Variants in CSMD3 observed in about 807,000 individuals in gnomAD.
The protein encoded by CSMD3 is CUB and sushi domain-containing protein 3.
Under a neutral mutation model 435.2 loss-of-function variants are expected in CSMD3, and 177 were observed. The observed-to-expected ratio is 0.41, with a 90% confidence interval of 0.36 to 0.46. The LOEUF is 0.46. CSMD3 is among the 20% of genes least tolerant of loss of function. The pLI is 0.34. For synonymous variants in CSMD3, 1,656 were observed against 1,520.5 expected (o/e 1.09, Z -2.07); for missense variants, 4,265 against 4,504.6 (o/e 0.95, Z 1.52).
chr8:112,970,942 C>T (rs2084632669), intron 7 of CSMD3, among the ~76,000 whole-genome samples: 1 of 151,820 alleles, frequency 6.6e-6, no homozygotes. Flanking sequence ...AGGATGGTCT[C>T]AATCTACTGA....
At chr8:112,678,043 C>T (rs1225599393) in intron 16 of CSMD3, among the ~76,000 whole-genome samples, 1 of 152,060 alleles carries the variant, frequency 6.6e-6, no homozygotes, top group Admixed American at 6.6e-5. Flanking sequence ...ACATATTTAT[C>T]TATAATTATG....
chr8:112,733,976 A>G (rs1947754728), intron 13 of CSMD3, among the ~76,000 whole-genome samples: 2 of 151,926 alleles, frequency 1.3e-5, no homozygotes, highest in Non-Finnish European at 2.9e-5. Flanking sequence ...AATCATTATT[A>G]TCCTCCAAGG....
At chr8:112,527,070 A>G (rs1342326480) in intron 27 of CSMD3, among the ~76,000 whole-genome samples, 1 of 151,990 alleles carries the variant, frequency 6.6e-6, no homozygotes, top group Non-Finnish European at 1.5e-5. Flanking sequence ...TCAATAAAAA[A>G]AATAGCAATA....
In CSMD3 at chr8:112,348,662, C is replaced by T. The variant is rs114813953; in HGVS notation, c.6326-2449G>A. Among the ~76,000 whole-genome samples, 234 of 151,978 alleles carry T rather than the reference C, an allele frequency of 1.5e-3. 1 individual carries two copies. The highest frequency in any genetic ancestry group is 5.5e-3 in the African/African-American group (226 of 41,438). On this transcript the variant is annotated intron_variant, in intron 40 of 70. Coordinates refer to ENST00000297405, the MANE Select transcript of CSMD3 (RefSeq NM_198123.2). ...CTGTAATCTCAGCACACTGGTATACCGAGGCAGGCAGATCACCTGAGGTCA... is the reference window on the plus strand; with the variant it reads ...CTGTAATCTCAGCACACTGGTATACTGAGGCAGGCAGATCACCTGAGGTCA...
chr8:112,771,542 AAAAG>A (rs1200125056), intron 13 of CSMD3, among the ~76,000 whole-genome samples: 1 of 152,008 alleles, frequency 6.6e-6, no homozygotes, highest in African/African-American at 2.4e-5. Flanking sequence ...CTGTCTCAAA[AAAAG>A]AAAAAGAAAA....
chr8:112,564,291 T>C (rs566027948), intron 24 of CSMD3, among the ~76,000 whole-genome samples: 2 of 151,654 alleles, frequency 1.3e-5, no homozygotes, highest in Non-Finnish European at 2.9e-5. Flanking sequence ...CCTTTCCTTC[T>C]TCCTTTCCTT....
intron 1 of CSMD3, among the ~76,000 whole-genome samples, chr8:113,375,516 C>CAT (rs2094376069): frequency 1.3e-5 from 1 of 74,608 alleles, no homozygotes; most frequent in East Asian, 5.1e-4. Context: ...CTATTTAATA[C>CAT]ACACACACAC....
At chr8:112,965,346 T>C (rs1189038908) in intron 7 of CSMD3, among the ~76,000 whole-genome samples, 1 of 151,930 alleles carries the variant, frequency 6.6e-6, no homozygotes, top group Non-Finnish European at 1.5e-5. Flanking sequence ...ATCAATTCAG[T>C]ACATATTATT....
intron 38 of CSMD3, among the ~76,000 whole-genome samples, chr8:112,358,637 C>A (rs1366139527): frequency 6.6e-6 from 1 of 152,286 alleles, no homozygotes; most frequent in Non-Finnish European, 1.5e-5. Flanking sequence ...CCTCTCTTTG[C>A]CTGCTATCAT....
At chr8:112,592,420 C>T (rs150689067) in intron 22 of CSMD3, among the ~76,000 whole-genome samples, 26 of 152,006 alleles carry the variant, frequency 1.7e-4, no homozygotes, top group African/African-American at 5.3e-4. Context: ...CAAACTAGTG[C>T]TACTGAAAGT....
intron 31 of CSMD3, among the ~76,000 whole-genome samples, chr8:112,482,423 A>T (rs1398384295): frequency 6.6e-6 from 1 of 152,236 alleles, no homozygotes; most frequent in Admixed American, 6.5e-5. Context: ...AAAGTGTACA[A>T]TTGAATGCTT....
chr8:113,000,531 T>A (rs927232846), intron 6 of CSMD3, among the ~76,000 whole-genome samples: 1 of 152,036 alleles, frequency 6.6e-6, no homozygotes, highest in Admixed American at 6.6e-5. Context: ...CCCGATTTAG[T>A]CATTCCACAA....
At chr8:112,616,450 C>T (rs1271522174) in intron 22 of CSMD3, among the ~76,000 whole-genome samples, 2 of 152,086 alleles carry the variant, frequency 1.3e-5, no homozygotes, top group East Asian at 3.9e-4. Context: ...AAGCTATGGG[C>T]ATTTATTGAA....
chr8:112,482,571 T>A (rs1366208684), intron 31 of CSMD3, among the ~76,000 whole-genome samples: 1 of 152,180 alleles, frequency 6.6e-6, no homozygotes, highest in African/African-American at 2.4e-5. Flanking sequence ...AACAGCTAAC[T>A]TTTTAGGAAA....
chr8:112,594,236 C>T lies in CSMD3; in HGVS notation c.3716-7001G>A, dbSNP rs545075668. 3.3e-4 allele frequency among the ~76,000 whole-genome samples: 50 copies of T among 152,272 alleles called. 1 individual carries two copies. The highest frequency in any genetic ancestry group is 9.9e-4 in the African/African-American group (41 of 41,576). On this transcript the variant is annotated intron_variant, in intron 22 of 70. Transcript: ENST00000297405. The stretch of plus-strand genomic sequence containing the variant: ...CCAAGGGGTCAGGGAGTTCCCTTTC[C>T]GAGTCAAAGAAAGGGGCGATGGACG...
intron 24 of CSMD3, among the ~76,000 whole-genome samples, chr8:112,569,333 T>C (rs770874211): frequency 4.6e-5 from 7 of 152,136 alleles, no homozygotes; most frequent in African/African-American, 9.7e-5. Flanking sequence ...AAGATCTACC[T>C]ACTTTCTCAC....
intron 10 of CSMD3, among the ~76,000 whole-genome samples, chr8:112,888,508 G>A (rs2130299790): frequency 6.6e-6 from 1 of 151,724 alleles, no homozygotes; most frequent in Middle Eastern, 3.4e-3. Flanking sequence ...GTGAGGCGTT[G>A]AAACAAGCCC....
chr8:112,630,042 G>T (rs2074471234), intron 22 of CSMD3, among the ~76,000 whole-genome samples: 1 of 152,124 alleles, frequency 6.6e-6, no homozygotes, highest in African/African-American at 2.4e-5. Flanking sequence ...GAAACTGATT[G>T]CTTCCAATAT....
chr8:113,152,475 T>C (rs150686850), intron 4 of CSMD3, among the ~76,000 whole-genome samples: 1 of 152,118 alleles, frequency 6.6e-6, no homozygotes. Flanking sequence ...GTATGTCTTG[T>C]AGTGCTGCAA....
Sources: allele counts gnomAD v4.1 joint callset (sites outside exome capture counted in the v4.1 genomes callset), GRCh38; gene constraint gnomAD v4.1.1; transcripts MANE v1.5; gene names NCBI Gene and HGNC (gene_info 2026-07-23, HGNC 2026-07-21).